The following SDC3 variants were observed in gnomAD, a reference collection of about 807,000 sequenced individuals.
SDC3 encodes the protein syndecan-3.
SDC3 carries 13 observed loss-of-function variants against 24.4 expected under a neutral mutation model. The ratio of observed to expected loss-of-function variants is 0.53; its 90% CI spans 0.35 to 0.85. SDC3 has a LOEUF of 0.85. Ranked by LOEUF, SDC3 falls within the 40% of genes least tolerant of loss-of-function variation. SDC3 has a pLI of 0.01. For missense variants in SDC3, 571 were observed against 584.5 expected, an observed-to-expected ratio of 0.98 and a Z score of 0.24; for synonymous variants, 295 against 260.9, an observed-to-expected ratio of 1.13 and a Z score of -1.26.
At chr1:30,893,617 T>C (rs1361891925) in intron 1 of SDC3, among the ~76,000 whole-genome samples, 1 of 152,032 alleles carries the variant, frequency 6.6e-6, no homozygotes, top group Admixed American at 6.6e-5. Flanking sequence ...CATCTCTTGG[T>C]TGGGCATCAT....
In SDC3 at chr1:30,877,279, C is replaced by A. The variant is rs751670895; in HGVS notation, c.257-114G>T. ...TAGGTCTCCCAACCCCCTCTCTTTACCCAATTTTCCCAGAAAAGATGAGAG... is the reference window on the plus strand; with the variant it reads ...TAGGTCTCCCAACCCCCTCTCTTTAACCAATTTTCCCAGAAAAGATGAGAG... On this transcript the variant is annotated intron_variant, in intron 2 of 4. Transcript: ENST00000339394. 3 of 1,342,578 alleles carry A rather than the reference C, an allele frequency of 2.2e-6. No individual in the cohort carries two copies. In the East Asian group the frequency reaches 7.5e-5, roughly 33 times the overall value. The allele number at this position is 1,342,578 out of a possible 1,614,324, so 83.2% of individuals were successfully genotyped here.
chr1:30,908,483 A>G lies in SDC3; in HGVS notation c.104T>C (p.Leu35Pro). Reference protein sequence around the residue: ...PGARGLLLPPLLLLLLAGRAA... With the variant: ...PGARGLLLPPPLLLLLAGRAA... ...GCGCCCCGCCAGCAGCAGCAGCAGCAGCGGTGGCAGGAGCAGCCCGCGGGC... is the reference window on the plus strand; with the variant it reads ...GCGCCCCGCCAGCAGCAGCAGCAGCGGCGGTGGCAGGAGCAGCCCGCGGGC... The change falls in exon 1 of 5, where the codon CTG becomes CCG. Residue 35 changes from leucine to proline, a missense_variant. Transcript: ENST00000339394. The G allele has an allele frequency of 9.8e-7, 1 of 1,018,122 alleles. No homozygotes were observed. The highest frequency in any genetic ancestry group is 1.2e-6 in the Non-Finnish European group (1 of 850,600). 63.1% of individuals were successfully genotyped at this position (1,018,122 alleles called of 1,614,324 possible).
intron 1 of SDC3, among the ~76,000 whole-genome samples, chr1:30,887,969 A>T (rs1204188424): frequency 1.3e-5 from 2 of 152,236 alleles, no homozygotes; most frequent in Non-Finnish European, 2.9e-5. Flanking sequence ...GGGAGGAGGG[A>T]AGAGAAACAG....
At position 30,908,522 on chromosome 1, in the gene SDC3, G is replaced by GCGGCCC. The variant is rs1465511384; in HGVS notation, c.59_64dup (p.Gly20_Ala21dup). On this transcript the variant is annotated inframe_insertion, in exon 1 of 5. Coordinates refer to ENST00000339394, the MANE Select transcript of SDC3 (RefSeq NM_014654.4). ...CAGCCCGCGGGCCCCGGGCCCGGCC[G>GCGGCCC]CGGCCCCGGCCCCGGCGCCGGCCCC... 4.9e-4 allele frequency: 473 copies of GCGGCCC among 967,134 alleles called. 1 individual carries two copies. Among genetic ancestry groups the GCGGCCC allele is most frequent in the Non-Finnish European group, 5.5e-4 (446 of 817,602 alleles). 59.9% of individuals were successfully genotyped at this position (967,134 alleles called of 1,614,324 possible). A position where few individuals can be genotyped will look rare whatever the true frequency, so the allele number is the denominator to read the frequency against.
chr1:30,876,712 G>A lies in SDC3; in HGVS notation c.710C>T (p.Ala237Val). 6.3e-7 allele frequency: 1 copy of A among 1,598,276 alleles called. No homozygotes were observed. The highest frequency in any genetic ancestry group is 8.5e-7 in the Non-Finnish European group (1 of 1,171,652). The change falls in exon 3 of 5, where the codon GCT becomes GTT. Residue 237 changes from alanine to valine, a missense_variant. By Grantham distance (64) the Ala-to-Val change is moderately conservative (BLOSUM62 0). Coordinates refer to ENST00000339394, the MANE Select transcript of SDC3 (RefSeq NM_014654.4). ...TGTTGGGGCCTCGGTGTCCAAGACAGCCGCCGTGGTGGGCGGGGAGGGCGC... is the reference window on the plus strand; with the variant it reads ...TGTTGGGGCCTCGGTGTCCAAGACAACCGCCGTGGTGGGCGGGGAGGGCGC... ...PEAPSPPTTA[A>V]VLDTEAPTPR...
At chr1:30,885,222 C>A (rs1023444924) in intron 1 of SDC3, among the ~76,000 whole-genome samples, 2 of 152,184 alleles carry the variant, frequency 1.3e-5, no homozygotes, top group African/African-American at 4.8e-5. Flanking sequence ...CACCCATTAA[C>A]AAATTGCTCA....
intron 1 of SDC3, among the ~76,000 whole-genome samples, chr1:30,907,504 A>T (rs1474255600): frequency 1.3e-5 from 2 of 152,042 alleles, no homozygotes; most frequent in African/African-American, 4.8e-5. Context: ...GTGCACTCAC[A>T]CACATTCATG....
At chr1:30,890,753 A>T (rs1420081969) in intron 1 of SDC3, among the ~76,000 whole-genome samples, 1 of 152,226 alleles carries the variant, frequency 6.6e-6, no homozygotes, top group Non-Finnish European at 1.5e-5. Context: ...ACTCAAGTTC[A>T]GAGAAGCCCA....
chr1:30,896,789 C>T (rs1037533084), intron 1 of SDC3, among the ~76,000 whole-genome samples: 6 of 152,096 alleles, frequency 3.9e-5, no homozygotes, highest in African/African-American at 1.4e-4. Flanking sequence ...TAGTAAAACC[C>T]CGTTTATACC....
At position 30,894,672 on chromosome 1, in the gene SDC3, G is replaced by A. The variant is rs181717190; in HGVS notation, c.138+13777C>T. Reference sequence around the variant, plus strand: ...GGGGTGTGTGTGGGTGAGTGTGTGTGGATGACTGTGAGTGTGTGGGTGAGA... The same window carrying A: ...GGGGTGTGTGTGGGTGAGTGTGTGTAGATGACTGTGAGTGTGTGGGTGAGA... On this transcript the variant is annotated intron_variant, in intron 1 of 4. Coordinates refer to ENST00000339394, the MANE Select transcript of SDC3 (RefSeq NM_014654.4). Among the ~76,000 whole-genome samples the A allele has an allele frequency of 3.1e-4, 18 of 58,722 alleles. No homozygotes were observed. In the East Asian group the frequency reaches 0.014, roughly 44 times the overall value. The allele number at this position is 58,722 out of a possible 152,430, so 38.5% of individuals were successfully genotyped here.
rs1539360 is a variant in SDC3, at chr1:30,873,352, G to A, written c.1188C>T (p.Gly396=). The A allele has an allele frequency of 0.1, 165,534 of 1,612,534 alleles. 9,309 individuals are homozygous for A. Among genetic ancestry groups the A allele is most frequent in the Non-Finnish European group, 0.12 (135,745 of 1,178,656 alleles). Residue 396 remains glycine (G), a synonymous_variant, in exon 5 of 5, where the codon GGC becomes GGT. Transcript: ENST00000339394. ...LVAVIVGGVV[G]ALFAAFLVTL... is the part of the protein sequence containing the mutation. ...TGACCAAGAAGGCAGCAAAGAGGGC[G>A]CCCACCACCCCGCCCACAATCACAG...
rs1254760637 is a variant in SDC3 at position 30,887,238 on chromosome 1, A to G, written c.139-8498T>C. On this transcript the variant is annotated intron_variant, in intron 1 of 4. Coordinates refer to ENST00000339394, the MANE Select transcript of SDC3 (RefSeq NM_014654.4). ...CTCTAGGAGTCTGTCTCCAGGCTCC[A>G]TGACGGTCACTGCCAGCAAACACGG... 2.6e-5 allele frequency among the ~76,000 whole-genome samples: 4 copies of G among 151,108 alleles called. No individual in the cohort carries two copies. The East Asian group carries it at 5.9e-4, about 22-fold the overall frequency.
At chr1:30,882,061 G>A (rs556070352) in intron 1 of SDC3, among the ~76,000 whole-genome samples, 5 of 152,192 alleles carry the variant, frequency 3.3e-5, no homozygotes, top group South Asian at 2.1e-4. Context: ...GGCTGAGCAC[G>A]GGACCCAACA....
chr1:30,908,619 G>T lies in SDC3; in HGVS notation c.-33C>A. On this transcript the variant is annotated 5_prime_UTR_variant, in exon 1 of 5. Transcript: ENST00000339394. Reference sequence around the variant, plus strand: ...GCGCGGGCGCGGGCGGCGGGCGGCGGGCGGGCGCCTTTGTTCCCGAGGCGC... The same window carrying T: ...GCGCGGGCGCGGGCGGCGGGCGGCGTGCGGGCGCCTTTGTTCCCGAGGCGC... 1.1e-6 allele frequency: 1 copy of T among 899,528 alleles called. No individual in the cohort carries two copies. Among genetic ancestry groups the T allele is most frequent in the South Asian group, 4.9e-5 (1 of 20,216 alleles). 55.7% of individuals were successfully genotyped at this position (899,528 alleles called of 1,614,324 possible). A position where few individuals can be genotyped will look rare whatever the true frequency, so the allele number is the denominator to read the frequency against.
rs1303590367 is a variant in SDC3, at chr1:30,908,666, GCGGCGGCGCGGCC to G, written c.-93_-81del. On this transcript the variant is annotated 5_prime_UTR_variant, in exon 1 of 5. Transcript: ENST00000339394. The stretch of plus-strand genomic sequence containing the variant: ...GCGCGGCGCGCGGGGCGGCTGCTTG[GCGGCGGCGCGGCC>G]CGGCGGCTGGACCGACGCGCTCTAG... 8.1e-6 allele frequency: 4 copies of G among 493,706 alleles called. No homozygotes were observed. Among genetic ancestry groups the G allele is most frequent in the African/African-American group, 2.1e-5 (1 of 47,226 alleles). The allele number at this position is 493,706 out of a possible 1,614,324, so 30.6% of individuals were successfully genotyped here.
chr1:30,902,194 C>G (rs1017423340), intron 1 of SDC3, among the ~76,000 whole-genome samples: 3 of 152,230 alleles, frequency 2.0e-5, no homozygotes, highest in Admixed American at 6.5e-5. Context: ...ATAGGCGTTT[C>G]CTGCCCTCCA....
At chr1:30,886,235 C>G (rs971217035) in intron 1 of SDC3, among the ~76,000 whole-genome samples, 4 of 152,148 alleles carry the variant, frequency 2.6e-5, no homozygotes, top group African/African-American at 4.8e-5. Context: ...AGCACCTACT[C>G]AGCTGGTTAA....
rs1054681038 is a variant in SDC3 at position 30,872,606 on chromosome 1, G to A, written c.*605C>T. On this transcript the variant is annotated 3_prime_UTR_variant, in exon 5 of 5. Transcript: ENST00000339394. ...TGTTTCTTGGGGGAAGATGCAGAAA[G>A]AAATGAAGTCTGGGTACATGTGTAC... is the stretch of plus-strand genomic sequence containing the variant. 5 of 152,792 alleles carry A rather than the reference G, an allele frequency of 3.3e-5. No homozygotes were observed. Among genetic ancestry groups the A allele is most frequent in the African/African-American group, 1.2e-4 (5 of 41,438 alleles). The allele number at this position is 152,792 out of a possible 1,614,324, so 9.5% of individuals were successfully genotyped here. A position where few individuals can be genotyped will look rare whatever the true frequency, so the allele number is the denominator to read the frequency against.
At chr1:30,905,351 T>A (rs1446818376) in intron 1 of SDC3, among the ~76,000 whole-genome samples, 11 of 28,444 alleles carry the variant, frequency 3.9e-4, no homozygotes, top group Middle Eastern at 0.024. Flanking sequence ...TCTCTCTCTC[T>A]CACAAACACA....
Sources: allele counts gnomAD v4.1 joint callset (sites outside exome capture counted in the v4.1 genomes callset), GRCh38; gene constraint gnomAD v4.1.1; transcripts MANE v1.5; gene names NCBI Gene and HGNC (gene_info 2026-07-23, HGNC 2026-07-21).